CYP2A7: variants seen among roughly 807,000 people sequenced by gnomAD.
CYP2A7 encodes cytochrome P450 family 2 subfamily A member 7.
In CYP2A7, 36 loss-of-function variants were observed where a neutral mutation model predicts 42.0. That is an observed-to-expected ratio of 0.86 (90% confidence interval 0.66 to 1.13). The LOEUF (loss-of-function observed/expected upper bound fraction) is 1.13. CYP2A7 is among the 50% of genes most tolerant of loss of function. The pLI, the probability that CYP2A7 is intolerant of heterozygous loss-of-function variation, is 0.00. For synonymous variants in CYP2A7, 260 were observed against 249.5 expected (o/e 1.04, Z -0.40); for missense variants, 661 against 634.1 (o/e 1.04, Z -0.46).
In CYP2A7 at chr19:40,875,792, G is replaced by C. The variant is rs202210796; in HGVS notation, c.1386C>G (p.Leu462=). Reference sequence around the variant, plus strand: ...TGTCCTTAGGTGACTGGGAGGACTTGAGGCGGAAGTTCTGCATGACGGTGG... The same window carrying C: ...TGTCCTTAGGTGACTGGGAGGACTTCAGGCGGAAGTTCTGCATGACGGTGG... ...FFTTVMQNFR[L]KSSQSPKDID... is the part of the protein sequence containing the mutation. Residue 462 remains leucine (L), a synonymous_variant, in exon 9 of 9, where the codon CTC becomes CTG. Transcript: ENST00000301146. 191 of 1,601,588 alleles carry C rather than the reference G, an allele frequency of 1.2e-4. 5 individuals carry two copies. Among genetic ancestry groups the C allele is most frequent in the Non-Finnish European group, 1.5e-4 (181 of 1,171,396 alleles).
At chr19:40,876,870 G>A in intron 7 of CYP2A7, 2 of 762,728 alleles carry the variant, frequency 2.6e-6, no homozygotes, top group South Asian at 2.0e-5. Flanking sequence ...TGGGGTCCAT[G>A]TCTTGCTACG....
intron 1 of CYP2A7, 43 bp downstream of exon 1, chr19:40,881,988 G>A: frequency 6.3e-7 from 1 of 1,589,030 alleles, no homozygotes; most frequent in Non-Finnish European, 8.6e-7. Flanking sequence ...AGCCAACTAG[G>A]CAGCCCCCAC....
intron 7 of CYP2A7, 33 bp from the exon 8 acceptor site, chr19:40,876,701 G>C (rs749028426): frequency 1.9e-6 from 3 of 1,582,736 alleles, no homozygotes; most frequent in Non-Finnish European, 2.6e-6. Context: ...GTGTGATGAG[G>C]AGGGTCGGGG....
At chr19:40,879,054 G>A (rs1407182844) in intron 4 of CYP2A7, 118 bp from the exon 5 acceptor site, 2 of 1,439,152 alleles carry the variant, frequency 1.4e-6, no homozygotes, top group African/African-American at 2.8e-5. Context: ...CTGTCTCATT[G>A]TTTAGGTATT....
In CYP2A7 at chr19:40,877,182, G is replaced by A; in HGVS notation, c.1161+8C>T. Reference sequence around the variant, plus strand: ...TCCCCGTAGTCTAGGGGGTGGGGAGGATAGCACCTTAGGGAGGAAAAAATC... The same window carrying A: ...TCCCCGTAGTCTAGGGGGTGGGGAGAATAGCACCTTAGGGAGGAAAAAATC... On this transcript the variant is annotated splice_region_variant and intron_variant, in intron 7 of 8. Transcript: ENST00000301146. 3.1e-6 allele frequency: 5 copies of A among 1,612,376 alleles called. No individual in the cohort carries two copies. The highest frequency in any genetic ancestry group is 4.2e-6 in the Non-Finnish European group (5 of 1,178,846).
rs1489453836 is a variant in CYP2A7, at chr19:40,880,707, A to G, written c.344-79T>C. On this transcript the variant is annotated intron_variant, in intron 2 of 8. Transcript: ENST00000301146. ...GCGGACCAGTTCCAAGGGGCTCCCCAAGGGTGGAGCAGAGGGGTAGTGGGG... is the reference window on the plus strand; with the variant it reads ...GCGGACCAGTTCCAAGGGGCTCCCCGAGGGTGGAGCAGAGGGGTAGTGGGG... The G allele has an allele frequency of 8.8e-6, 13 of 1,479,762 alleles. No homozygotes were observed. The African/African-American group carries it at 1.6e-4, about 18-fold the overall frequency. The allele number at this position is 1,479,762 out of a possible 1,614,324, so 91.7% of individuals were successfully genotyped here. A position where few individuals can be genotyped will look rare whatever the true frequency, so the allele number is the denominator to read the frequency against.
At position 40,877,346 on chromosome 19, in the gene CYP2A7, G is replaced by T; in HGVS notation, c.1005C>A (p.Ile335=). The change falls in exon 7 of 9, where the codon ATC becomes ATA. Residue 335 remains isoleucine (I), a synonymous_variant. Transcript: ENST00000301146. Reference sequence around the variant, plus strand: ...CAAACTTGGGCTGCCGGTTCTTGCCGATCACTCTGTCAATCTCCTCATGGA... The same window carrying T: ...CAAACTTGGGCTGCCGGTTCTTGCCTATCACTCTGTCAATCTCCTCATGGA... ...AKVHEEIDRV[I]GKNRQPKFED... 1.2e-6 allele frequency: 2 copies of T among 1,612,582 alleles called. No individual in the cohort carries two copies. The highest frequency in any genetic ancestry group is 1.7e-6 in the Non-Finnish European group (2 of 1,179,038).
Position 40,880,158 on chromosome 19 carries a change from C to T in CYP2A7, c.580G>A (p.Glu194Lys), listed in dbSNP as rs567726293. Residue 194 changes from glutamate (E) to lysine (K), a missense_variant, in exon 4 of 9, where the codon GAG becomes AAG. Physicochemically the swap from Glu to Lys is moderately conservative, Grantham distance 56 (BLOSUM62 1). Coordinates refer to ENST00000301146, the MANE Select transcript of CYP2A7 (RefSeq NM_000764.3). ...SIVFGDRFDY[E>K]DKEFLSLLSM... ...AGCAGTGACAGGAACTCTTTGTCCT[C>T]ATAGTCAAAGCGGTCCCCAAAGACA... The T allele has an allele frequency of 4.0e-5, 65 of 1,612,922 alleles. 1 individual carries two copies. The highest frequency in any genetic ancestry group is 2.8e-4 in the African/African-American group (21 of 74,914).
rs913076957 is a variant in CYP2A7 at position 40,881,220 on chromosome 19, G to A, written c.343+369C>T. ...GAGGAAAAAGTGAGAGAGGGAAGTG[G>A]AGAGAGGAGAAACATGGAGAAGCAC... On this transcript the variant is annotated intron_variant, in intron 2 of 8. Coordinates refer to ENST00000301146, the MANE Select transcript of CYP2A7 (RefSeq NM_000764.3). Among the ~76,000 whole-genome samples the A allele has an allele frequency of 6.6e-5, 10 of 151,216 alleles. 1 individual carries two copies. In the South Asian group the frequency reaches 1.3e-3, roughly 19 times the overall value.
chr19:40,876,927 C>G (rs1335137698), intron 7 of CYP2A7: 6 of 640,796 alleles, frequency 9.4e-6, no homozygotes, highest in Non-Finnish European at 1.6e-5. Context: ...GACAAAAGGC[C>G]TAATGGAAAG....
chr19:40,881,959 T>C (rs1003992968), intron 1 of CYP2A7, 72 bp downstream of exon 1: 116 of 1,565,288 alleles, frequency 7.4e-5, no homozygotes, highest in Middle Eastern at 1.7e-4. Flanking sequence ...CACTGGTCAA[T>C]CCCCTGCCAC....
intron 4 of CYP2A7, 34 bp from the exon 5 acceptor site, chr19:40,878,970 A>G (rs769825934): frequency 1.3e-6 from 2 of 1,588,718 alleles, no homozygotes; most frequent in Non-Finnish European, 1.7e-6. Flanking sequence ...GAAGGGAAGG[A>G]CAGCTGTCAC....
chr19:40,875,703 A>G lies in CYP2A7; in HGVS notation c.1475T>C (p.Leu492Pro). ...CGGCACAGCCCTCGCTCAGCGGGGCAGGAAGCTCATGGTGTAGTTTCGTGG... is the reference window on the plus strand; with the variant it reads ...CGGCACAGCCCTCGCTCAGCGGGGCGGGAAGCTCATGGTGTAGTTTCGTGG... ...TIPRNYTMSFLPR is the reference protein window; with the variant it reads ...TIPRNYTMSFPPR The change falls in exon 9 of 9, where the codon CTG becomes CCG. Residue 492 changes from leucine to proline, a missense_variant. Physicochemically the swap from Leu to Pro is moderately conservative, Grantham distance 98. Coordinates refer to ENST00000301146, the MANE Select transcript of CYP2A7 (RefSeq NM_000764.3). 4 of 1,610,144 alleles carry G rather than the reference A, an allele frequency of 2.5e-6. No individual in the cohort carries two copies. The highest frequency in any genetic ancestry group is 3.4e-6 in the Non-Finnish European group (4 of 1,177,606).
intron 4 of CYP2A7, among the ~76,000 whole-genome samples, chr19:40,879,323 A>G (rs968700617): frequency 1.3e-5 from 2 of 151,580 alleles, no homozygotes; most frequent in African/African-American, 4.8e-5. Context: ...TAGGCATTCA[A>G]GTAGGCTTGG....
At chr19:40,876,430 T>C in intron 8 of CYP2A7, 97 bp downstream of exon 8, 6 of 1,594,468 alleles carry the variant, frequency 3.8e-6, no homozygotes, top group Non-Finnish European at 5.2e-6. Flanking sequence ...ACTTCCAAGC[T>C]GGAGAAATAC....
intron 4 of CYP2A7, among the ~76,000 whole-genome samples, chr19:40,879,483 C>A (rs897124624): frequency 2.0e-5 from 3 of 151,684 alleles, no homozygotes; most frequent in South Asian, 2.1e-4. Flanking sequence ...ACAGGGAGCA[C>A]CTCTGTAAGG....
intron 7 of CYP2A7, 63 bp downstream of exon 7, chr19:40,877,127 G>C (rs1967551129): frequency 6.3e-7 from 1 of 1,575,938 alleles, no homozygotes; most frequent in Non-Finnish European, 8.7e-7. Context: ...ATGGGGGCAG[G>C]ATTCTGGGGA....
Position 40,878,901 on chromosome 19 carries a change from C to A in CYP2A7, c.690G>T (p.Leu230=), listed in dbSNP as rs1967596959. 6.2e-7 allele frequency: 1 copy of A among 1,610,178 alleles called. No individual in the cohort carries two copies. Among genetic ancestry groups the A allele is most frequent in the Non-Finnish European group, 8.5e-7 (1 of 1,177,296 alleles). ...YEMFSSVMKH[L]PGPQQQAFKL... Reference sequence around the variant, plus strand: ...TAAAGGCCTGTTGCTGTGGTCCTGGCAGGTGTTTCATCACCGAAGAGAACA... The same window carrying A: ...TAAAGGCCTGTTGCTGTGGTCCTGGAAGGTGTTTCATCACCGAAGAGAACA... Residue 230 remains leucine (L), a synonymous_variant, in exon 5 of 9, where the codon CTG becomes CTT. Transcript: ENST00000301146.
intron 2 of CYP2A7, 28 bp from the exon 3 acceptor site, chr19:40,880,656 G>C (rs74215514): frequency 0.014 from 19,814 of 1,462,134 alleles, 1,092 homozygotes; most frequent in African/African-American, 0.035. Context: ...GGGGTGGAGA[G>C]AGGTCAGGGG....
Sources: allele counts gnomAD v4.1 joint callset (sites outside exome capture counted in the v4.1 genomes callset), GRCh38; gene constraint gnomAD v4.1.1; transcripts MANE v1.5; gene names NCBI Gene and HGNC (gene_info 2026-07-23, HGNC 2026-07-21).